Variants in SHISAL1 observed in about 807,000 individuals in gnomAD.
The protein encoded by SHISAL1 is protein shisa-like-1.
A neutral mutation model predicts 22.6 loss-of-function variants in SHISAL1; 9 were observed. The ratio of observed to expected loss-of-function variants is 0.40; its 90% confidence interval spans 0.24 to 0.70. The LOEUF is 0.70. SHISAL1 is among the 30% of genes least tolerant of loss of function. SHISAL1 has a pLI of 0.39. For missense variants in SHISAL1, 246 were observed against 270.6 expected, an observed-to-expected ratio of 0.91 and a Z score of 0.64; for synonymous variants, 119 against 115.4, an observed-to-expected ratio of 1.03 and a Z score of -0.20.
chr22:44,260,902 T>C (rs2055118168), intron 4 of SHISAL1, among the ~76,000 whole-genome samples: 1 of 151,910 alleles, frequency 6.6e-6, no homozygotes, highest in South Asian at 2.1e-4. Flanking sequence ...GAGGGCAATG[T>C]GGCTTCGGTC....
intron 1 of SHISAL1, among the ~76,000 whole-genome samples, chr22:44,306,546 C>T (rs1569226507): frequency 1.0e-5 from 1 of 98,418 alleles, no homozygotes; most frequent in Non-Finnish European, 2.0e-5. Flanking sequence ...ATGACGATGG[C>T]ATGTGTGGAG....
chr22:44,297,502 G>A (rs1440005939), intron 2 of SHISAL1, among the ~76,000 whole-genome samples: 4 of 152,212 alleles, frequency 2.6e-5, no homozygotes, highest in African/African-American at 4.8e-5. Flanking sequence ...CAGACCCTTC[G>A]TTCCTTGGTT....
rs2055530190 is a variant in SHISAL1, at chr22:44,312,860, A to G, written c.-142T>C. The G allele has an allele frequency of 6.6e-6, 1 of 152,218 alleles. No homozygotes were observed. The highest frequency in any genetic ancestry group is 2.4e-5 in the African/African-American group (1 of 41,438). The allele number at this position is 152,218 out of a possible 1,614,324, so 9.4% of individuals were successfully genotyped here. ...TGGTTGCCACCAACCTTAAACCCCA[A>G]TAAAAGGAGAGCAACTTGGTCGAGC... On this transcript the variant is annotated 5_prime_UTR_variant, in exon 1 of 5. Coordinates refer to ENST00000381176, the MANE Select transcript of SHISAL1 (RefSeq NM_001099294.2).
intron 1 of SHISAL1, among the ~76,000 whole-genome samples, chr22:44,303,955 G>A (rs2055452040): frequency 6.6e-6 from 1 of 152,192 alleles, no homozygotes; most frequent in South Asian, 2.1e-4. Context: ...CCCCCCAGGA[G>A]GACGGTTTCA....
In SHISAL1 at chr22:44,249,667, G is replaced by C. The variant is rs370835117; in HGVS notation, c.*18C>G. The C allele has an allele frequency of 7.7e-6, 6 of 779,824 alleles. No homozygotes were observed. Among genetic ancestry groups the C allele is most frequent in the Non-Finnish European group, 1.4e-5 (6 of 418,068 alleles). The allele number at this position is 779,824 out of a possible 1,614,324, so 48.3% of individuals were successfully genotyped here. ...TCAGATCTCATCTCCCCCATCCTGA[G>C]GCACAGCAAAAGCGTTTTCTGGAGG... On this transcript the variant is annotated 3_prime_UTR_variant, in exon 5 of 5. Transcript: ENST00000381176.
intron 4 of SHISAL1, among the ~76,000 whole-genome samples, chr22:44,266,365 C>T (rs989597142): frequency 3.5e-5 from 5 of 141,030 alleles, no homozygotes; most frequent in South Asian, 2.3e-4. Flanking sequence ...GGGGAGTGGA[C>T]GAGGCAGTGG....
At chr22:44,258,887 C>T (rs1380123485) in intron 4 of SHISAL1, among the ~76,000 whole-genome samples, 1 of 151,686 alleles carries the variant, frequency 6.6e-6, no homozygotes, top group Non-Finnish European at 1.5e-5. Context: ...ATGGAGTAGG[C>T]GTGGAGGGTT....
At chr22:44,277,668 A>G (rs1228200420) in intron 4 of SHISAL1, among the ~76,000 whole-genome samples, 1 of 152,172 alleles carries the variant, frequency 6.6e-6, no homozygotes, top group African/African-American at 2.4e-5. Flanking sequence ...GGCGTGAGAC[A>G]GAGGCGTGCT....
the SHISAL1 span, among the ~76,000 whole-genome samples, chr22:44,331,193 C>T: frequency 6.6e-6 from 1 of 152,034 alleles, no homozygotes; most frequent in Non-Finnish European, 1.5e-5. This position sits in a 1 kb window ranked among gnomAD's most constrained non-coding sequence, Gnocchi z 5.2. Context: ...GGCGCGGACC[C>T]CAGTGCCGAA....
intron 3 of SHISAL1, among the ~76,000 whole-genome samples, chr22:44,295,705 A>C (rs1271694482): frequency 6.6e-6 from 1 of 152,208 alleles, no homozygotes; most frequent in South Asian, 2.1e-4. Flanking sequence ...TAAGAAAAAA[A>C]CAAAAACTTC....
intron 2 of SHISAL1, among the ~76,000 whole-genome samples, chr22:44,300,533 T>C (rs2055420793): frequency 6.6e-6 from 1 of 152,192 alleles, no homozygotes. Flanking sequence ...AGTTTCCTCA[T>C]CTATAAAATG....
the SHISAL1 span, among the ~76,000 whole-genome samples, chr22:44,323,368 A>ATGCATCCATCCACCAT: frequency 1.5e-3 from 163 of 109,594 alleles, 1 homozygote; most frequent in African/African-American, 5.9e-3. Flanking sequence ...GCATCCATCC[A>ATGCATCCATCCACCAT]CCATCCATCC....
intron 1 of SHISAL1, among the ~76,000 whole-genome samples, chr22:44,309,542 G>C (rs1456412457): frequency 6.6e-6 from 1 of 152,008 alleles, no homozygotes; most frequent in African/African-American, 2.4e-5. Context: ...TGCACCCTCA[G>C]TCTCTCTGTT....
chr22:44,248,447 G>C lies in SHISAL1; in HGVS notation c.*1238C>G, dbSNP rs942632695. 1 of 152,318 alleles carries C rather than the reference G, an allele frequency of 6.6e-6. No individual in the cohort carries two copies. The highest frequency in any genetic ancestry group is 1.5e-5 in the Non-Finnish European group (1 of 68,112). 9.4% of individuals were successfully genotyped at this position (152,318 alleles called of 1,614,324 possible). A position where few individuals can be genotyped will look rare whatever the true frequency, so the allele number is the denominator to read the frequency against. ...TGATTTAGGTGATGCCATCTCATAG[G>C]TGTCCCAGGGCAGCGGGGCAGGAGT... On this transcript the variant is annotated 3_prime_UTR_variant, in exon 5 of 5. Transcript: ENST00000381176.
intron 3 of SHISAL1, among the ~76,000 whole-genome samples, chr22:44,290,541 A>AAAAAAAAAAAC (rs1336476808): frequency 3.0e-4 from 45 of 151,790 alleles, no homozygotes; most frequent in Non-Finnish European, 4.6e-4. Flanking sequence ...AAAAAAAAAA[A>AAAAAAAAAAAC]AAACAAAAAA....
the SHISAL1 span, among the ~76,000 whole-genome samples, chr22:44,322,269 T>G: frequency 6.6e-6 from 1 of 152,214 alleles, no homozygotes; most frequent in African/African-American, 2.4e-5. Flanking sequence ...GGTGAGCAGG[T>G]GAGGGTCTCC....
intron 4 of SHISAL1, among the ~76,000 whole-genome samples, chr22:44,277,623 G>A (rs1569215251): frequency 6.6e-6 from 1 of 152,166 alleles, no homozygotes; most frequent in South Asian, 2.1e-4. Context: ...CTGGAGAGCT[G>A]GAAACCCTCT....
intron 4 of SHISAL1, among the ~76,000 whole-genome samples, chr22:44,262,210 G>A (rs2055129761): frequency 6.6e-6 from 1 of 152,232 alleles, no homozygotes; most frequent in Non-Finnish European, 1.5e-5. Context: ...TGGGACGACA[G>A]GGAGGGCACT....
At chr22:44,280,068 C>G (rs1342297908) in intron 4 of SHISAL1, among the ~76,000 whole-genome samples, 1 of 152,142 alleles carries the variant, frequency 6.6e-6, no homozygotes, top group Non-Finnish European at 1.5e-5. Context: ...CTTCCAGCCA[C>G]TCCCCATCCC....
Sources: gnomAD v4.1 joint callset for allele counts (sites outside exome capture counted in the v4.1 genomes callset) on GRCh38, gnomAD v4.1.1 for gene constraint, Gnocchi (gnomAD v3.1) non-coding constraint, MANE v1.5 for transcripts, NCBI Gene and HGNC (gene_info 2026-07-23, HGNC 2026-07-21) for gene names.